The following DDX43 variants were observed in gnomAD, a reference collection of about 807,000 sequenced individuals.
DDX43 encodes the protein probable ATP-dependent RNA helicase DDX43.
Under a neutral mutation model 84.9 loss-of-function variants are expected in DDX43, and 50 were observed. The observed-to-expected ratio is 0.59, with a 90% confidence interval of 0.47 to 0.75. The LOEUF is 0.75. Among genes scored for constraint, DDX43 ranks in the 30% least tolerant of loss-of-function variants. The pLI, the probability that DDX43 is intolerant of heterozygous loss-of-function variation, is 0.00. For missense variants in DDX43, 689 were observed against 798.6 expected, an observed-to-expected ratio of 0.86 and a Z score of 1.65; for synonymous variants, 291 against 266.3, an observed-to-expected ratio of 1.09 and a Z score of -0.90.
In DDX43 at chr6:73,409,320, C is replaced by T. The variant is rs1211107500; in HGVS notation, c.1252C>T (p.Arg418Cys). 10 of 1,613,828 alleles carry T rather than the reference C, an allele frequency of 6.2e-6. No individual in the cohort carries two copies. Among genetic ancestry groups the T allele is most frequent in the East Asian group, 4.5e-5 (2 of 44,864 alleles). Residue 418 changes from arginine (R) to cysteine (C), a missense_variant, in exon 10 of 17, where the codon CGC (arginine) becomes TGC (cysteine). Coordinates refer to ENST00000370336, the MANE Select transcript of DDX43 (RefSeq NM_018665.3). ...PQIMKILLDV[R>C]PDRQTVMTSA... Reference sequence around the variant, plus strand: ...GATAATGAAGATTTTGTTAGATGTGCGCCCAGATAGGCAGACAGTTATGAC... The same window carrying T: ...GATAATGAAGATTTTGTTAGATGTGTGCCCAGATAGGCAGACAGTTATGAC...
At chr6:73,412,127 C>G in intron 10 of DDX43, 78 bp from the exon 11 acceptor site, 1 of 1,257,212 alleles carries the variant, frequency 8.0e-7, no homozygotes, top group Non-Finnish European at 1.1e-6. Flanking sequence ...TCATGAGTAA[C>G]TTGGTTCATA....
At chr6:73,413,901 G>C in intron 12 of DDX43, 69 bp from the exon 13 acceptor site, 1 of 1,518,788 alleles carries the variant, frequency 6.6e-7, no homozygotes, top group Non-Finnish European at 9.0e-7. Flanking sequence ...TTAGATTTTT[G>C]CTAACAGAAG....
chr6:73,403,957 A>G lies in DDX43; in HGVS notation c.569-733A>G, dbSNP rs972458235. Among the ~76,000 whole-genome samples the G allele has an allele frequency of 2.0e-5, 3 of 150,902 alleles. No homozygotes were observed. The Admixed American group carries it at 2.0e-4, about 10-fold the overall frequency. Reference sequence around the variant, plus strand: ...TTCAGGCTTCTGAGTAGCTAGGATTACAGGCGTCTGCCACCATGCTCAGCT... The same window carrying G: ...TTCAGGCTTCTGAGTAGCTAGGATTGCAGGCGTCTGCCACCATGCTCAGCT... On this transcript the variant is annotated intron_variant, in intron 4 of 16. Transcript: ENST00000370336.
chr6:73,412,668 T>TGTGTGTGTGTGTGTGTGTGTGTGTGCGC (rs538597626), intron 11 of DDX43, among the ~76,000 whole-genome samples: 2 of 108,394 alleles, frequency 1.8e-5, no homozygotes, highest in Non-Finnish European at 3.7e-5. Flanking sequence ...TGTGTGTGTG[T>TGTGTGTGTGTGTGTGTGTGTGTGTGCGC]GCGCGCGCGC....
intron 13 of DDX43, among the ~76,000 whole-genome samples, chr6:73,414,337 C>A (rs1417223983): frequency 6.6e-6 from 1 of 152,162 alleles, no homozygotes; most frequent in Non-Finnish European, 1.5e-5. Flanking sequence ...ATGTATCTTT[C>A]TGTCATGGTT....
At chr6:73,410,236 G>A (rs902172753) in intron 10 of DDX43, among the ~76,000 whole-genome samples, 7 of 152,192 alleles carry the variant, frequency 4.6e-5, no homozygotes, top group Middle Eastern at 3.4e-3. Context: ...GCGCGATCTC[G>A]GCTAACTGCA....
At chr6:73,410,983 G>A (rs959361119) in intron 10 of DDX43, among the ~76,000 whole-genome samples, 104 of 151,936 alleles carry the variant, frequency 6.8e-4, no homozygotes, top group African/African-American at 2.4e-3. Context: ...TCAGGAGATC[G>A]AGACCATCCT....
intron 4 of DDX43, 132 bp downstream of exon 4, chr6:73,402,122 T>G: frequency 8.9e-7 from 1 of 1,125,264 alleles, no homozygotes; most frequent in Non-Finnish European, 1.3e-6. Flanking sequence ...ATGCTGCAAT[T>G]AGTCCCTAGG....
Position 73,404,788 on chromosome 6 carries a change from C to T in DDX43, c.650+17C>T, listed in dbSNP as rs771860442. The T allele has an allele frequency of 3.8e-6, 6 of 1,584,898 alleles. No homozygotes were observed. Among genetic ancestry groups the T allele is most frequent in the Non-Finnish European group, 5.2e-6 (6 of 1,156,700 alleles). Reference sequence around the variant, plus strand: ...TAGTTGGAGGTGGGTAGTTTCATTACCTAGTTGTGTAAGTATTTGTATAGT... The same window carrying T: ...TAGTTGGAGGTGGGTAGTTTCATTATCTAGTTGTGTAAGTATTTGTATAGT... On this transcript the variant is annotated intron_variant, in intron 5 of 16. Coordinates refer to ENST00000370336, the MANE Select transcript of DDX43 (RefSeq NM_018665.3).
chr6:73,395,861 G>A (rs1489745524), intron 1 of DDX43, among the ~76,000 whole-genome samples: 1 of 152,116 alleles, frequency 6.6e-6, no homozygotes, highest in African/African-American at 2.4e-5. Flanking sequence ...GCCTAGAGCA[G>A]TTGTATCTTG....
At chr6:73,415,661 A>AT in intron 15 of DDX43, 77 bp downstream of exon 15, 1 of 1,030,288 alleles carries the variant, frequency 9.7e-7, no homozygotes, top group Non-Finnish European at 1.4e-6. Flanking sequence ...ATGGCTTGCT[A>AT]TTTATCAGGA....
intron 10 of DDX43, among the ~76,000 whole-genome samples, chr6:73,409,846 C>G (rs540870945): frequency 3.9e-4 from 59 of 152,204 alleles, no homozygotes; most frequent in Non-Finnish European, 6.6e-4. Flanking sequence ...GCCTGGCCAA[C>G]ATGGTGAAAC....
chr6:73,396,801 A>G (rs1033483764), intron 1 of DDX43, among the ~76,000 whole-genome samples: 10 of 152,312 alleles, frequency 6.6e-5, no homozygotes, highest in African/African-American at 1.4e-4. Flanking sequence ...GGTAATCCAT[A>G]TAAGTAGAAT....
chr6:73,403,469 CAAAAAGAAAAAA>C (rs1769615050), intron 4 of DDX43, among the ~76,000 whole-genome samples: 1 of 150,986 alleles, frequency 6.6e-6, no homozygotes, highest in South Asian at 2.1e-4. Flanking sequence ...GACTCCATCT[CAAAAAGAAAAAA>C]GAAAAGAAAA....
rs1769868671 is a variant in DDX43 at position 73,414,705 on chromosome 6, C to T, written c.1745+19C>T. ...GAGCAGGGTAAGTAAGCTTAGTCCA[C>T]CCATGAAAGGCCAATTCTAGATTCT... On this transcript the variant is annotated intron_variant, in intron 14 of 16. Coordinates refer to ENST00000370336, the MANE Select transcript of DDX43 (RefSeq NM_018665.3). 6.3e-7 allele frequency: 1 copy of T among 1,594,344 alleles called. No homozygotes were observed. The highest frequency in any genetic ancestry group is 8.5e-7 in the Non-Finnish European group (1 of 1,172,450).
rs1769848779 is a variant in DDX43, at chr6:73,413,751, G to A, written c.1462G>A (p.Asp488Asn). The A allele has an allele frequency of 6.2e-7, 1 of 1,613,554 alleles. No homozygotes were observed. Among genetic ancestry groups the A allele is most frequent in the Admixed American group, 1.7e-5 (1 of 59,870 alleles). Reference protein sequence around the residue: ...QTFLQSMSSTDKVIVFVSRKA... With the variant: ...QTFLQSMSSTNKVIVFVSRKA... ...TTTTCTACAGAGTATGTCATCCACA[G>A]ACAAAGTCATTGTCTTCGTTTCTCG... The change falls in exon 12 of 17, where the codon GAC becomes AAC. Residue 488 changes from aspartate to asparagine, a missense_variant. By Grantham distance (23) the Asp-to-Asn change is conservative. This residue lies in a region of DDX43 where 552 missense variants were observed against 692.7 expected (regional missense o/e 0.80). Transcript: ENST00000370336.
chr6:73,408,171 A>G (rs1404805555), intron 9 of DDX43, 70 bp downstream of exon 9: 1 of 1,531,606 alleles, frequency 6.5e-7, no homozygotes, highest in Admixed American at 1.8e-5. Flanking sequence ...GCAGTGGGTC[A>G]CGCCTGTAAT....
intron 10 of DDX43, among the ~76,000 whole-genome samples, chr6:73,411,018 C>G (rs1372296779): frequency 1.3e-5 from 2 of 151,692 alleles, no homozygotes; most frequent in African/African-American, 4.8e-5. Context: ...AACCCCGTCT[C>G]TACTAAATTT....
intron 7 of DDX43, chr6:73,407,146 T>C (rs2150795773): frequency 6.2e-6 from 1 of 162,108 alleles, no homozygotes; most frequent in South Asian, 1.8e-4. Context: ...AGACAAAGTT[T>C]TGCTCTTATT....
Sources: allele counts gnomAD v4.1 joint callset (sites outside exome capture counted in the v4.1 genomes callset), GRCh38; gene constraint gnomAD v4.1.1; regional missense constraint gnomAD v4.1.1; transcripts MANE v1.5; gene names NCBI Gene and HGNC (gene_info 2026-07-23, HGNC 2026-07-21).